The following ITGB5 variants were observed in gnomAD, a reference collection of about 807,000 sequenced individuals.
ITGB5 encodes integrin beta-5.
In ITGB5, 38 loss-of-function variants were observed where a neutral mutation model predicts 84.8. The ratio of observed to expected loss-of-function variants is 0.45; its 90% confidence interval spans 0.35 to 0.59. ITGB5 has a LOEUF of 0.59. ITGB5 is among the 20% of genes least tolerant of loss of function. The probability of loss-of-function intolerance (pLI) is 0.01; values close to 1 mark genes in which losing one functional copy is unlikely to be tolerated. For missense variants in ITGB5, 905 were observed against 1,034.5 expected, an observed-to-expected ratio of 0.87 and a Z score of 1.72; for synonymous variants, 393 against 414.4, an observed-to-expected ratio of 0.95 and a Z score of 0.63.
At chr3:124,813,717 G>C (rs1193991102) in intron 8 of ITGB5, among the ~76,000 whole-genome samples, 2 of 152,190 alleles carry the variant, frequency 1.3e-5, no homozygotes, top group East Asian at 3.8e-4. Flanking sequence ...CCACTCTCCA[G>C]GAACCTGTCC....
Position 124,762,523 on chromosome 3 carries a change from A to C in ITGB5, c.*1100T>G, listed in dbSNP as rs1366349865. 1 of 152,212 alleles carries C rather than the reference A, an allele frequency of 6.6e-6. No individual in the cohort carries two copies. Among genetic ancestry groups the C allele is most frequent in the East Asian group, 1.9e-4 (1 of 5,202 alleles). 9.4% of individuals were successfully genotyped at this position (152,212 alleles called of 1,614,324 possible). On this transcript the variant is annotated 3_prime_UTR_variant, in exon 15 of 15. Coordinates refer to ENST00000296181, the MANE Select transcript of ITGB5 (RefSeq NM_002213.5). ...TCATGGCCCTGCGGGAAAAAAGCTCAAATGTGTTTTTTTGCATTGGGCCTG... is the reference window on the plus strand; with the variant it reads ...TCATGGCCCTGCGGGAAAAAAGCTCCAATGTGTTTTTTTGCATTGGGCCTG...
chr3:124,764,545 G>T lies in ITGB5; in HGVS notation c.2150C>A (p.Thr717Asn). The T allele has an allele frequency of 2.5e-6, 4 of 1,611,834 alleles. No homozygotes were observed. Among genetic ancestry groups the T allele is most frequent in the South Asian group, 1.1e-5 (1 of 90,994 alleles). The change falls in exon 14 of 15, where the codon ACC becomes AAC. Residue 717 changes from threonine to asparagine, a missense_variant. Physicochemically the swap from Thr to Asn is moderately conservative, Grantham distance 65 (BLOSUM62 0). Around this residue, in one of 3 missense-constraint regions of ITGB5, gnomAD observed 133 missense variants for 122.8 expected, o/e 1.08. Transcript: ENST00000296181. ...CAGGAGGATGGTCATGGCGTTGGGG[G>T]TGTTTCCACACTCTGGGGGGACCAG... Reference protein sequence around the residue: ...TVLREPECGNTPNAMTILLAV... With the variant: ...TVLREPECGNNPNAMTILLAV...
intron 10 of ITGB5, chr3:124,781,142 T>C (rs1249176228): frequency 6.6e-6 from 1 of 151,856 alleles, no homozygotes; most frequent in African/African-American, 2.4e-5. Flanking sequence ...ACAGACCTGC[T>C]TGGCGCTCAC....
At chr3:124,770,589 G>GAGACC (rs2063827322) in intron 11 of ITGB5, among the ~76,000 whole-genome samples, 1 of 152,188 alleles carries the variant, frequency 6.6e-6, no homozygotes. Context: ...CGGGAGCTCT[G>GAGACC]AGACCATTTC....
intron 1 of ITGB5, among the ~76,000 whole-genome samples, chr3:124,900,305 C>T (rs941878120): frequency 1.3e-5 from 2 of 152,282 alleles, no homozygotes; most frequent in Admixed American, 1.3e-4. Flanking sequence ...GGCATGAAAA[C>T]AGTACCTACT....
At chr3:124,865,481 C>CTT (rs59446328) in intron 2 of ITGB5, among the ~76,000 whole-genome samples, 2,919 of 93,102 alleles carry the variant, frequency 0.031, 309 homozygotes, top group African/African-American at 0.1. Context: ...CGGCTTTTTT[C>CTT]TTTTTTTTTT....
chr3:124,883,632 T>TA (rs1405001441), intron 1 of ITGB5, among the ~76,000 whole-genome samples: 2 of 152,184 alleles, frequency 1.3e-5, no homozygotes, highest in African/African-American at 2.4e-5. Flanking sequence ...ATGAGTCCAC[T>TA]AAATAAAACA....
chr3:124,796,511 C>T lies in ITGB5; in HGVS notation c.1570G>A (p.Gly524Arg), dbSNP rs555215680. 1.0e-4 allele frequency: 167 copies of T among 1,614,134 alleles called. 1 individual carries two copies. In the South Asian group the frequency reaches 1.6e-3, roughly 15 times the overall value. Reference protein sequence around the residue: ...REAEGKPLCSGRGDCSCNQCS... With the variant: ...REAEGKPLCSRRGDCSCNQCS... ...TGGTTGCAGCTGCAGTCCCCACGCC[C>T]GCTGCACAGTGGCTTGCCCTCTGCC... The change falls in exon 10 of 15, where the codon GGG becomes AGG. Residue 524 changes from glycine (G) to arginine (R), a missense_variant. This residue lies in a region of ITGB5 where 656 missense variants were observed against 734.7 expected (regional missense o/e 0.89). Coordinates refer to ENST00000296181, the MANE Select transcript of ITGB5 (RefSeq NM_002213.5).
At chr3:124,791,597 T>A (rs886476217) in intron 10 of ITGB5, 4 of 152,422 alleles carry the variant, frequency 2.6e-5, no homozygotes, top group African/African-American at 9.6e-5. Flanking sequence ...CCTCAGCCAC[T>A]TCTTCAAGTG....
intron 8 of ITGB5, among the ~76,000 whole-genome samples, chr3:124,810,615 T>G (rs920636861): frequency 1.5e-4 from 23 of 151,676 alleles, no homozygotes; most frequent in African/African-American, 2.9e-4. Context: ...TTAAGAATAA[T>G]AATAATAATA....
chr3:124,828,428 T>C (rs552403350), intron 5 of ITGB5, among the ~76,000 whole-genome samples: 109 of 151,462 alleles, frequency 7.2e-4, no homozygotes, highest in Non-Finnish European at 9.9e-4. Flanking sequence ...AAAAAAAGAG[T>C]GTATACTAGG....
chr3:124,783,290 CAAAAAAAAA>C (rs758967509), intron 10 of ITGB5, among the ~76,000 whole-genome samples: 2 of 56,988 alleles, frequency 3.5e-5, no homozygotes, highest in African/African-American at 6.4e-5. Flanking sequence ...GACTCCGTCT[CAAAAAAAAA>C]AAAAAAAAAA....
At chr3:124,826,095 T>C (rs1262207812) in intron 5 of ITGB5, among the ~76,000 whole-genome samples, 5 of 152,166 alleles carry the variant, frequency 3.3e-5, no homozygotes, top group African/African-American at 9.7e-5. Context: ...CAAGCATAAC[T>C]CTCCATTAAG....
intron 8 of ITGB5, among the ~76,000 whole-genome samples, chr3:124,810,441 C>T (rs943947267): frequency 2.0e-5 from 3 of 152,016 alleles, no homozygotes; most frequent in Admixed American, 6.6e-5. Flanking sequence ...ATTTTCTATA[C>T]GTCTGTTAGT....
intron 13 of ITGB5, among the ~76,000 whole-genome samples, chr3:124,765,868 G>A (rs1302541560): frequency 6.6e-6 from 1 of 151,974 alleles, no homozygotes; most frequent in Admixed American, 6.6e-5. Flanking sequence ...ACCAGCCTGG[G>A]CAACATGGTG....
chr3:124,824,762 G>C (rs1375032272), intron 5 of ITGB5, among the ~76,000 whole-genome samples: 3 of 152,100 alleles, frequency 2.0e-5, no homozygotes, highest in African/African-American at 7.2e-5. Flanking sequence ...AAGAGATATG[G>C]GTGGAAACAA....
intron 10 of ITGB5, among the ~76,000 whole-genome samples, chr3:124,780,287 C>G (rs1203953272): frequency 6.6e-6 from 1 of 152,204 alleles, no homozygotes; most frequent in Non-Finnish European, 1.5e-5. Flanking sequence ...CCATGGGTGA[C>G]CGCAGAGGGC....
intron 1 of ITGB5, among the ~76,000 whole-genome samples, chr3:124,884,793 G>A (rs761638127): frequency 6.6e-6 from 1 of 152,068 alleles, no homozygotes; most frequent in Non-Finnish European, 1.5e-5. Context: ...AAGCTGAGTC[G>A]GTAGGACAAA....
intron 3 of ITGB5, 102 bp from the exon 4 acceptor site, chr3:124,848,660 T>G: frequency 1.5e-6 from 2 of 1,307,514 alleles, no homozygotes; most frequent in Non-Finnish European, 2.1e-6. Flanking sequence ...TACTTTTCTT[T>G]AGTGATTGTG....
Sources: allele counts gnomAD v4.1 joint callset (sites outside exome capture counted in the v4.1 genomes callset), GRCh38; gene constraint gnomAD v4.1.1; regional missense constraint gnomAD v4.1.1; transcripts MANE v1.5; gene names NCBI Gene and HGNC (gene_info 2026-07-23, HGNC 2026-07-21).